RARB: variants seen among roughly 807,000 people sequenced by gnomAD.
RARB encodes the protein HBV-activated protein.
Under a neutral mutation model 51.9 loss-of-function variants are expected in RARB, and 17 were observed. The observed-to-expected ratio is 0.33, with a 90% CI of 0.22 to 0.49. RARB has a LOEUF of 0.49. Among genes scored for constraint, RARB ranks in the 20% least tolerant of loss-of-function variants. The pLI, the probability that RARB is intolerant of heterozygous loss-of-function variation, is 0.99. For synonymous variants in RARB, 215 were observed against 195.4 expected (o/e 1.10, Z -0.84); for missense variants, 369 against 550.8 (o/e 0.67, Z 3.30).
At chr3:25,278,784 G>C (rs910523699) in intron 5 of RARB, among the ~76,000 whole-genome samples, 1 of 152,158 alleles carries the variant, frequency 6.6e-6, no homozygotes, top group African/African-American at 2.4e-5. Context: ...ACATAGCTGG[G>C]CCAGCACATT....
chr3:25,479,311 A>G (rs1696115699), intron 2 of RARB, among the ~76,000 whole-genome samples: 1 of 152,360 alleles, frequency 6.6e-6, no homozygotes, highest in Admixed American at 6.5e-5. Context: ...ATACCATATT[A>G]TGAAATGAAA....
intron 1 of RARB, among the ~76,000 whole-genome samples, chr3:25,450,597 C>G (rs1056505203): frequency 6.6e-6 from 1 of 152,144 alleles, no homozygotes; most frequent in Non-Finnish European, 1.5e-5. Context: ...TGTTTTTCAA[C>G]CTCAGCACTA....
chr3:25,344,393 G>C (rs542999350), intron 5 of RARB, among the ~76,000 whole-genome samples: 20 of 152,276 alleles, frequency 1.3e-4, no homozygotes, highest in Admixed American at 2.6e-4. Context: ...TTATGTCTGA[G>C]AGATTGGTAA....
chr3:25,048,902 G>A (rs749140076), intron 2 of RARB, among the ~76,000 whole-genome samples: 10 of 151,834 alleles, frequency 6.6e-5, no homozygotes, highest in Middle Eastern at 3.2e-3. Flanking sequence ...ACTAGCGCCC[G>A]CCACTGTGCC....
intron 3 of RARB, among the ~76,000 whole-genome samples, chr3:25,567,740 T>C (rs984804829): frequency 1.3e-5 from 2 of 152,190 alleles, no homozygotes; most frequent in African/African-American, 4.8e-5. Context: ...TCCTCGGGGC[T>C]CTGTTTCAGA....
rs145312242 is a variant in RARB at position 25,070,857 on chromosome 3, G to A, written c.-328+10681G>A. ...CATCTACAACTTTAACATGCCCAGTGTACTAGTACTGGTGTCTCTATTGCC... is the reference window on the plus strand; with the variant it reads ...CATCTACAACTTTAACATGCCCAGTATACTAGTACTGGTGTCTCTATTGCC... On this transcript the variant is annotated intron_variant, in intron 3 of 11. Transcript: ENST00000383772. Among the ~76,000 whole-genome samples, 19 of 152,314 alleles carry A rather than the reference G, an allele frequency of 1.2e-4. No homozygotes were observed. The East Asian group carries it at 3.7e-3, about 29-fold the overall frequency.
intron 3 of RARB, among the ~76,000 whole-genome samples, chr3:25,121,679 A>G (rs1699784576): frequency 6.6e-6 from 1 of 152,150 alleles, no homozygotes; most frequent in African/African-American, 2.4e-5. Flanking sequence ...ATGTATTTTG[A>G]TATCCAGTAA....
intron 2 of RARB, among the ~76,000 whole-genome samples, chr3:25,027,678 C>A (rs1398191853): frequency 9.5e-6 from 1 of 105,582 alleles, no homozygotes; most frequent in Non-Finnish European, 2.0e-5. Flanking sequence ...AAAGAGATTT[C>A]TATCAAAATG....
At chr3:25,533,993 T>G (rs1699031091) in intron 3 of RARB, among the ~76,000 whole-genome samples, 1 of 152,210 alleles carries the variant, frequency 6.6e-6, no homozygotes, top group Admixed American at 6.5e-5. Flanking sequence ...GAAGCAGCAA[T>G]AAGTCCTTGC....
At chr3:25,264,276 C>T (rs899345563) in intron 5 of RARB, among the ~76,000 whole-genome samples, 15 of 152,076 alleles carry the variant, frequency 9.9e-5, no homozygotes, top group Admixed American at 7.2e-4. Context: ...AAATGGATAC[C>T]GTCATCCCAG....
At chr3:25,406,773 A>G (rs900857436) in intron 5 of RARB, among the ~76,000 whole-genome samples, 7 of 152,232 alleles carry the variant, frequency 4.6e-5, no homozygotes, top group East Asian at 1.9e-4. Flanking sequence ...CAGGCACAGT[A>G]TCGAGCAGGA....
rs78817856 is a variant in RARB, at chr3:25,004,014, A to G, written c.-379-56111A>G. Among the ~76,000 whole-genome samples the G allele has an allele frequency of 9.2e-5, 14 of 152,250 alleles. No individual in the cohort carries two copies. In the East Asian group the frequency reaches 2.1e-3, roughly 23 times the overall value. On this transcript the variant is annotated intron_variant, in intron 2 of 11. Coordinates refer to the RARB transcript ENST00000383772. The stretch of plus-strand genomic sequence containing the variant: ...TGCTGTGATAACAAATAAACTCCAG[A>G]TTTTAGTAGCTGAGCCAAGAAAGTA...
intron 2 of RARB, among the ~76,000 whole-genome samples, chr3:24,924,855 G>A (rs181901963): frequency 1.3e-5 from 2 of 152,214 alleles, no homozygotes; most frequent in Admixed American, 6.5e-5. Flanking sequence ...CCTTACAGGG[G>A]TGCTGTAAAG....
intron 5 of RARB, among the ~76,000 whole-genome samples, chr3:25,321,355 T>G (rs914045408): frequency 6.6e-6 from 1 of 152,188 alleles, no homozygotes; most frequent in African/African-American, 2.4e-5. Flanking sequence ...ATACACTGTC[T>G]TTTTTGTTGA....
At chr3:25,140,676 A>G (rs1326137796) in intron 4 of RARB, among the ~76,000 whole-genome samples, 1 of 152,220 alleles carries the variant, frequency 6.6e-6, no homozygotes. Flanking sequence ...ATTGACTCCA[A>G]TTTTGAAAGA....
intron 5 of RARB, among the ~76,000 whole-genome samples, chr3:25,252,554 C>G (rs1415015227): frequency 5.3e-5 from 8 of 152,096 alleles, no homozygotes; most frequent in Admixed American, 5.2e-4. Context: ...GTGAACAAGC[C>G]TTGCACTTCT....
chr3:25,156,166 A>G (rs1700371149), intron 4 of RARB, among the ~76,000 whole-genome samples: 1 of 152,218 alleles, frequency 6.6e-6, no homozygotes, highest in Non-Finnish European at 1.5e-5. Context: ...GGTGCCGAAG[A>G]ATGTCGTCTG....
intron 5 of RARB, among the ~76,000 whole-genome samples, chr3:25,313,921 AT>A (rs1292636294): frequency 6.6e-6 from 1 of 151,986 alleles, no homozygotes; most frequent in Non-Finnish European, 1.5e-5. Flanking sequence ...AAGAAAAAAA[AT>A]TAGCTAGGTG....
intron 3 of RARB, among the ~76,000 whole-genome samples, chr3:25,542,472 G>T (rs1699425433): frequency 6.6e-6 from 1 of 152,144 alleles, no homozygotes; most frequent in South Asian, 2.1e-4. Context: ...GCTAAGTACT[G>T]CTCCTCCCAA....
Sources: allele counts gnomAD v4.1 joint callset (sites outside exome capture counted in the v4.1 genomes callset), GRCh38; gene constraint gnomAD v4.1.1; transcripts MANE v1.5; gene names NCBI Gene and HGNC (gene_info 2026-07-23, HGNC 2026-07-21).